Variants in SERGEF observed in about 807,000 individuals in gnomAD.
SERGEF encodes the protein secretion regulating guanine nucleotide exchange factor.
SERGEF carries 51 observed loss-of-function variants against 50.0 expected under a neutral mutation model. That is an observed-to-expected ratio of 1.02 (90% CI 0.81 to 1.29). The LOEUF (loss-of-function observed/expected upper bound fraction) is 1.29, where lower values mean the gene tolerates loss of function less well. Ranked by LOEUF, SERGEF falls within the 50% of genes most tolerant of loss-of-function variation. The probability of loss-of-function intolerance (pLI) is 0.00; values close to 1 mark genes in which losing one functional copy is unlikely to be tolerated. For missense variants in SERGEF, 521 were observed against 557.0 expected (o/e 0.94, Z 0.65); for synonymous variants, 205 against 212.4 (o/e 0.97, Z 0.30).
chr11:17,959,359 T>C, intron 9 of SERGEF, 111 bp downstream of exon 9: 1 of 966,936 alleles, frequency 1.0e-6, no homozygotes, highest in Non-Finnish European at 1.5e-6. Context: ...CTCTTCTGAT[T>C]CCTACATGGT....
intron 9 of SERGEF, among the ~76,000 whole-genome samples, chr11:17,936,412 A>G (rs1156342517): frequency 6.6e-6 from 1 of 152,210 alleles, no homozygotes; most frequent in Non-Finnish European, 1.5e-5. Flanking sequence ...AGCATTATGT[A>G]ATATCTCAGT....
At chr11:18,012,649 G>A (rs1854220526) in intron 1 of SERGEF, 4 of 1,174,884 alleles carry the variant, frequency 3.4e-6, no homozygotes, top group South Asian at 1.7e-5. Context: ...CGCTATTCGG[G>A]CTGGAGGGCT....
At chr11:18,000,620 T>G in intron 4 of SERGEF, 63 bp from the exon 5 acceptor site, 1 of 1,180,920 alleles carries the variant, frequency 8.5e-7, no homozygotes, top group South Asian at 1.3e-5. Flanking sequence ...TTTATGTAAT[T>G]TATACCAAAT....
intron 9 of SERGEF, among the ~76,000 whole-genome samples, chr11:17,937,722 C>A (rs1342061142): frequency 6.6e-6 from 1 of 151,648 alleles, no homozygotes; most frequent in African/African-American, 2.4e-5. Flanking sequence ...CAGAGGTAGA[C>A]AAAAAAACAA....
At chr11:18,008,356 A>G (rs1052919320) in intron 1 of SERGEF, among the ~76,000 whole-genome samples, 3 of 152,232 alleles carry the variant, frequency 2.0e-5, no homozygotes, top group African/African-American at 2.4e-5. Context: ...ACTCATGACC[A>G]TAACAGTGGA....
intron 9 of SERGEF, among the ~76,000 whole-genome samples, chr11:17,931,471 C>G (rs1852351058): frequency 6.6e-6 from 1 of 152,182 alleles, no homozygotes; most frequent in South Asian, 2.1e-4. Context: ...TCCATCCAAA[C>G]ACATACCCAA....
At chr11:17,911,318 T>TTATATATATTA (rs915687728) in intron 9 of SERGEF, among the ~76,000 whole-genome samples, 5 of 146,594 alleles carry the variant, frequency 3.4e-5, no homozygotes, top group South Asian at 2.1e-4. Context: ...TTGAGGTATT[T>TTATATATATTA]TATATATATT....
chr11:17,830,585 G>C (rs1850277608), intron 10 of SERGEF, among the ~76,000 whole-genome samples: 1 of 136,604 alleles, frequency 7.3e-6, no homozygotes, highest in African/African-American at 2.8e-5. Flanking sequence ...AGAGAGATGG[G>C]GAGAGGGAGA....
At chr11:17,906,069 G>C (rs1216278996) in intron 9 of SERGEF, among the ~76,000 whole-genome samples, 2 of 152,090 alleles carry the variant, frequency 1.3e-5, no homozygotes, top group South Asian at 2.1e-4. Context: ...AGCTTCCCCT[G>C]ACCCTTCTGG....
intron 8 of SERGEF, among the ~76,000 whole-genome samples, chr11:17,980,655 C>T (rs1283094429): frequency 6.6e-6 from 1 of 152,126 alleles, no homozygotes; most frequent in South Asian, 2.1e-4. Context: ...ATACCACGAG[C>T]GTATTCCTGT....
At chr11:17,998,428 CATACATACATACATATAT>C (rs1307200662) in intron 5 of SERGEF, among the ~76,000 whole-genome samples, 10 of 10,074 alleles carry the variant, frequency 9.9e-4, no homozygotes, top group African/African-American at 4.0e-3. Flanking sequence ...AAAATACATA[CATACATACATACATATAT>C]ATATATATAT....
In SERGEF at chr11:17,788,511, A is replaced by C. The variant is rs1484251730; in HGVS notation, c.1049-98T>G. On this transcript the variant is annotated intron_variant, in intron 10 of 10. Transcript: ENST00000265965. ...CAGGTATCATCATAAACCCCAGTTC[A>C]CTCAGGAAGACGCCAAAGCTTAAGG... 4 of 997,970 alleles carry C rather than the reference A, an allele frequency of 4.0e-6. No homozygotes were observed. The African/African-American group carries it at 4.9e-5, about 12-fold the overall frequency. The allele number at this position is 997,970 out of a possible 1,614,324, so 61.8% of individuals were successfully genotyped here. A position where few individuals can be genotyped will look rare whatever the true frequency, so the allele number is the denominator to read the frequency against.
chr11:17,930,956 A>G lies in SERGEF; in HGVS notation c.1011+28514T>C, dbSNP rs146038509. On this transcript the variant is annotated intron_variant, in intron 9 of 10. Transcript: ENST00000265965. ...GCTGACGTCTGCTACACTGCTCTCA[A>G]TTACACTGCAGAAAAAATGGTCATA... Among the ~76,000 whole-genome samples, 8 of 152,226 alleles carry G rather than the reference A, an allele frequency of 5.3e-5. No homozygotes were observed. The East Asian group carries it at 1.5e-3, about 29-fold the overall frequency.
At chr11:17,964,840 A>G (rs1490540970) in intron 8 of SERGEF, among the ~76,000 whole-genome samples, 2 of 152,246 alleles carry the variant, frequency 1.3e-5, no homozygotes, top group African/African-American at 2.4e-5. Flanking sequence ...TCATTCTGCC[A>G]TGTGGACAGA....
At chr11:17,984,021 T>A (rs544416007) in intron 8 of SERGEF, among the ~76,000 whole-genome samples, 1 of 152,172 alleles carries the variant, frequency 6.6e-6, no homozygotes, top group South Asian at 2.1e-4. Context: ...ACTGGAAAGG[T>A]CAGCAGACAT....
chr11:17,861,227 CAG>C (rs764810103), intron 10 of SERGEF, among the ~76,000 whole-genome samples: 65 of 152,334 alleles, frequency 4.3e-4, no homozygotes, highest in Middle Eastern at 3.4e-3. Context: ...GAAACAGAAA[CAG>C]ACATTCTGAG....
intron 10 of SERGEF, among the ~76,000 whole-genome samples, chr11:17,848,006 A>C (rs1178711139): frequency 6.6e-6 from 1 of 152,242 alleles, no homozygotes; most frequent in Non-Finnish European, 1.5e-5. Flanking sequence ...ATGCATAGTC[A>C]TTATAAAATA....
In SERGEF at chr11:17,988,604, A is replaced by G. The variant is rs1455543886; in HGVS notation, c.837T>C (p.Ala279=). The part of the protein sequence containing the change: ...AIWSGWTHLV[A]QTETGKMFTW... ...TCTCTGCTACTGTCTCACCTGTCTGAGCAACCAGGTGTGTCCATCCACTCC... is the reference window on the plus strand; with the variant it reads ...TCTCTGCTACTGTCTCACCTGTCTGGGCAACCAGGTGTGTCCATCCACTCC... The change falls in exon 8 of 11, where the codon GCT becomes GCC. Residue 279 remains alanine, a synonymous_variant. Coordinates refer to ENST00000265965, the MANE Select transcript of SERGEF (RefSeq NM_012139.4). 1 of 1,613,924 alleles carries G rather than the reference A, an allele frequency of 6.2e-7. No homozygotes were observed. The highest frequency in any genetic ancestry group is 2.2e-5 in the East Asian group (1 of 44,878).
chr11:17,921,614 G>A (rs1232897607), intron 9 of SERGEF, among the ~76,000 whole-genome samples: 2 of 152,248 alleles, frequency 1.3e-5, no homozygotes, highest in Admixed American at 6.5e-5. Flanking sequence ...AAGGGAATGA[G>A]TGCTAAGAGA....
Sources: gnomAD v4.1 joint callset for allele counts (sites outside exome capture counted in the v4.1 genomes callset) on GRCh38, gnomAD v4.1.1 for gene constraint, MANE v1.5 for transcripts, NCBI Gene and HGNC (gene_info 2026-07-23, HGNC 2026-07-21) for gene names.